SRSF11: variants seen among roughly 807,000 people sequenced by gnomAD.
The protein encoded by SRSF11 is serine/arginine-rich splicing factor 11.
Under a neutral mutation model 56.0 loss-of-function variants are expected in SRSF11, and 9 were observed. The ratio of observed to expected loss-of-function variants is 0.16; its 90% CI spans 0.10 to 0.28. SRSF11 has a LOEUF of 0.28. SRSF11 is among the 10% of genes least tolerant of loss of function. The pLI, the probability that SRSF11 is intolerant of heterozygous loss-of-function variation, is 1.00. For missense variants in SRSF11, 421 were observed against 600.7 expected (o/e 0.70, Z 3.13); for synonymous variants, 222 against 215.3 (o/e 1.03, Z -0.27).
intron 9 of SRSF11, 123 bp downstream of exon 9, chr1:70,247,030 T>C: frequency 8.9e-7 from 1 of 1,121,026 alleles, no homozygotes; most frequent in Non-Finnish European, 1.2e-6. Context: ...AAAAGTTACA[T>C]TTTGCTGTTA....
intron 1 of SRSF11, among the ~76,000 whole-genome samples, chr1:70,226,559 A>G (rs1671830717): frequency 6.6e-6 from 1 of 151,576 alleles, no homozygotes; most frequent in South Asian, 2.1e-4. Context: ...ATAAGATAAC[A>G]ATAAAAAGTG....
Position 70,250,845 on chromosome 1 carries a change from G to A in SRSF11, c.*40G>A. ...GGAGTCCAACTGTATACCTGCATCA[G>A]TGTCATTCCTTTGTGTGATTTCTTA... On this transcript the variant is annotated 3_prime_UTR_variant, in exon 12 of 12. Coordinates refer to ENST00000370949, the MANE Select transcript of SRSF11 (RefSeq NM_001350605.2). 6.5e-7 allele frequency: 1 copy of A among 1,542,662 alleles called. No homozygotes were observed. Among genetic ancestry groups the A allele is most frequent in the East Asian group, 2.2e-5 (1 of 44,508 alleles).
rs1195811835 is a variant in SRSF11 at position 70,237,469 on chromosome 1, C to T, written c.635C>T (p.Ser212Leu). ...AAGLVSPSLK[S>L]DTSSKEIEEA... Reference sequence around the variant, plus strand: ...GGTCTCGTTTCACCAAGTCTGAAATCGGATACCTCTAGTAAAGAAATAGAG... The same window carrying T: ...GGTCTCGTTTCACCAAGTCTGAAATTGGATACCTCTAGTAAAGAAATAGAG... Residue 212 changes from serine to leucine, a missense_variant, in exon 6 of 12, where the codon TCG becomes TTG. Physicochemically the swap from Ser to Leu is moderately radical, Grantham distance 145 (BLOSUM62 -2). Transcript: ENST00000370949. The T allele has an allele frequency of 2.5e-6, 4 of 1,613,834 alleles. No individual in the cohort carries two copies. The highest frequency in any genetic ancestry group is 3.4e-6 in the Non-Finnish European group (4 of 1,179,978).
intron 10 of SRSF11, 159 bp downstream of exon 10, chr1:70,250,206 C>A: frequency 7.7e-7 from 1 of 1,297,696 alleles, no homozygotes; most frequent in South Asian, 1.5e-5. Flanking sequence ...AAGGACTGAA[C>A]ATTTTAGTCC....
intron 6 of SRSF11, 47 bp downstream of exon 6, chr1:70,237,599 G>C (rs1439788931): frequency 6.3e-7 from 1 of 1,598,626 alleles, no homozygotes; most frequent in Non-Finnish European, 8.5e-7. Flanking sequence ...TAGCAAAAAT[G>C]ATTTTGACAT....
chr1:70,221,888 G>C, intron 1 of SRSF11, 49 bp downstream of exon 1: 1 of 1,606,018 alleles, frequency 6.2e-7, no homozygotes, highest in Non-Finnish European at 8.5e-7. Context: ...CCTCAGCCTG[G>C]GCCTAACACA....
At chr1:70,237,073 C>T (rs1027951623) in intron 5 of SRSF11, among the ~76,000 whole-genome samples, 2 of 151,970 alleles carry the variant, frequency 1.3e-5, no homozygotes, top group Non-Finnish European at 2.9e-5. Context: ...AGGCGTGAGC[C>T]ACCACACCGG....
At chr1:70,231,668 T>A in intron 2 of SRSF11, 1 of 1,181,496 alleles carries the variant, frequency 8.5e-7, no homozygotes, top group Non-Finnish European at 1.1e-6. Flanking sequence ...TTCATATTCA[T>A]TTTCATGAGT....
At chr1:70,229,477 G>T (rs1672461830) in intron 2 of SRSF11, 2 of 985,150 alleles carry the variant, frequency 2.0e-6, no homozygotes, top group African/African-American at 1.7e-5. Flanking sequence ...AATTTTCTAA[G>T]GCGTATTTTA....
At chr1:70,208,585 G>T (rs147109156) in intron 1 of SRSF11, among the ~76,000 whole-genome samples, 114 of 152,222 alleles carry the variant, frequency 7.5e-4, no homozygotes, top group African/African-American at 2.6e-3. Context: ...TGATCCACCT[G>T]CCTCGGCCCC....
At chr1:70,219,183 C>T (rs1448990460), upstream of SRSF11, among the ~76,000 whole-genome samples, 1 of 152,098 alleles carries the variant, frequency 6.6e-6, no homozygotes, top group East Asian at 1.9e-4. Flanking sequence ...AAATCCAAAA[C>T]ACTTATGGTC....
At chr1:70,221,348 G>T, upstream of SRSF11, 1 of 410,780 alleles carries the variant, frequency 2.4e-6, no homozygotes, top group Non-Finnish European at 4.3e-6. Flanking sequence ...CGCGCCCTGC[G>T]CCGCAAAGCA....
chr1:70,206,984 A>G (rs2100402539), intron 1 of SRSF11, among the ~76,000 whole-genome samples: 1 of 143,466 alleles, frequency 7.0e-6, no homozygotes, highest in South Asian at 2.2e-4. Context: ...TCCGCCTCCC[A>G]GGTTCAAGTG....
chr1:70,205,751 G>A (rs964396168), exon 1 of SRSF11: 2 of 473,478 alleles, frequency 4.2e-6, no homozygotes, highest in Admixed American at 6.8e-5. Flanking sequence ...TGCCGGTGCC[G>A]GCCTAGCGTC....
intron 7 of SRSF11, among the ~76,000 whole-genome samples, chr1:70,242,040 G>A (rs1009608127): frequency 6.6e-6 from 1 of 151,948 alleles, no homozygotes; most frequent in Non-Finnish European, 1.5e-5. Context: ...GGTGGCGCGC[G>A]CAGCTGTAAT....
At chr1:70,226,999 T>C (rs1671929517) in intron 1 of SRSF11, among the ~76,000 whole-genome samples, 1 of 152,214 alleles carries the variant, frequency 6.6e-6, no homozygotes, top group African/African-American at 2.4e-5. Flanking sequence ...GTGGATATCC[T>C]GTTAATTTTG....
chr1:70,210,816 G>A (rs926021269), intron 1 of SRSF11, among the ~76,000 whole-genome samples: 16 of 152,006 alleles, frequency 1.1e-4, no homozygotes, highest in African/African-American at 3.9e-4. Context: ...CTTATATGAG[G>A]GCTTTTTTTA....
rs1241943912 is a variant in SRSF11 at position 70,249,964 on chromosome 1, A to C, written c.1035A>C (p.Arg345=). 6 of 1,614,036 alleles carry C rather than the reference A, an allele frequency of 3.7e-6. No homozygotes were observed. In the African/African-American group the frequency reaches 8.0e-5, roughly 22 times the overall value. The change falls in exon 10 of 12, where the codon CGA becomes CGC. Residue 345 remains arginine, a synonymous_variant. Coordinates refer to ENST00000370949, the MANE Select transcript of SRSF11 (RefSeq NM_001350605.2). ...TTTGTGATTCTAGAGAGAGACGACG[A>C]CGAAGAAGCAGGAGTGGCACAAGAT... ...RSRSASRERR[R]RRSRSGTRSP...
At chr1:70,246,436 T>C (rs1223751553) in intron 8 of SRSF11, among the ~76,000 whole-genome samples, 2 of 152,136 alleles carry the variant, frequency 1.3e-5, no homozygotes, top group Non-Finnish European at 2.9e-5. Flanking sequence ...TTGGTAGTGC[T>C]CTATGGGTTT....
Sources: allele counts gnomAD v4.1 joint callset (sites outside exome capture counted in the v4.1 genomes callset), GRCh38; gene constraint gnomAD v4.1.1; transcripts MANE v1.5; gene names NCBI Gene and HGNC (gene_info 2026-07-23, HGNC 2026-07-21).